MYO19: variants seen among roughly 807,000 people sequenced by gnomAD.
The protein encoded by MYO19 is myosin XIX.
MYO19 carries 132 observed loss-of-function variants against 129.2 expected under a neutral mutation model. The ratio of observed to expected loss-of-function variants is 1.02; its 90% CI spans 0.89 to 1.18. The LOEUF is 1.18. Among genes scored for constraint, MYO19 ranks in the 50% most tolerant of loss-of-function variants. The pLI, the probability that MYO19 is intolerant of heterozygous loss-of-function variation, is 0.00. For missense variants in MYO19, 1,210 were observed against 1,216.7 expected, an observed-to-expected ratio of 0.99 and a Z score of 0.08; for synonymous variants, 531 against 477.2, an observed-to-expected ratio of 1.11 and a Z score of -1.47.
intron 11 of MYO19, among the ~76,000 whole-genome samples, chr17:36,512,326 T>G (rs907117898): frequency 6.8e-6 from 1 of 146,748 alleles, no homozygotes. Context: ...GAAGAGGAGG[T>G]TGCAGTGAGC....
rs1226503534 is a variant in MYO19, at chr17:36,510,830, C to T, written c.1073G>A (p.Arg358Lys). The T allele has an allele frequency of 6.3e-7, 1 of 1,582,776 alleles. No homozygotes were observed. Among genetic ancestry groups the T allele is most frequent in the African/African-American group, 1.3e-5 (1 of 74,242 alleles). Reference protein sequence around the residue: ...MVQIRTIRAGRQQQVFRKPCA... With the variant: ...MVQIRTIRAGKQQQVFRKPCA... ...GGGCTTCCGGAACACCTGCTGCTGTCTGCCTGCCCTGATGGTTCTAATCTG... is the reference window on the plus strand; with the variant it reads ...GGGCTTCCGGAACACCTGCTGCTGTTTGCCTGCCCTGATGGTTCTAATCTG... The change falls in exon 13 of 26, where the codon AGA becomes AAA. Residue 358 changes from arginine (R) to lysine (K), a missense_variant. Coordinates refer to ENST00000614623, the MANE Select transcript of MYO19 (RefSeq NM_001163735.2).
At position 36,496,374 on chromosome 17, in the gene MYO19, T is replaced by C. The variant is rs768098476; in HGVS notation, c.2790A>G (p.Pro930=). Residue 930 remains proline, a synonymous_variant, in exon 26 of 26, where the codon CCA becomes CCG. Transcript: ENST00000614623. The stretch of plus-strand genomic sequence containing the variant: ...CAGGGCAGATGTCAGCATACCGCAG[T>C]GGAGACTTTCTGCAGTGAAACTTTA... ...GSIKFHCRKS[P]LRYADICPEP... 1.9e-6 allele frequency: 3 copies of C among 1,613,946 alleles called. No homozygotes were observed. Among genetic ancestry groups the C allele is most frequent in the Non-Finnish European group, 2.5e-6 (3 of 1,179,886 alleles).
intron 20 of MYO19, among the ~76,000 whole-genome samples, chr17:36,503,725 AGT>A (rs1400221050): frequency 1.3e-5 from 2 of 152,362 alleles, no homozygotes; most frequent in East Asian, 3.9e-4. Context: ...ACATTGTACC[AGT>A]GTGGCTTTTG....
chr17:36,506,318 T>C, intron 18 of MYO19, 138 bp downstream of exon 18: 1 of 1,024,380 alleles, frequency 9.8e-7, no homozygotes, highest in Non-Finnish European at 1.5e-6. Context: ...AAGTATAAAC[T>C]CCAGGGGACT....
chr17:36,533,295 A>G (rs2073938561), intron 2 of MYO19: 1 of 152,234 alleles, frequency 6.6e-6, no homozygotes, highest in Admixed American at 6.5e-5. Flanking sequence ...CACTACGACT[A>G]AGGGTTGATG....
At chr17:36,522,027 T>A (rs2411194) in intron 6 of MYO19, among the ~76,000 whole-genome samples, 8 of 46,200 alleles carry the variant, frequency 1.7e-4, no homozygotes, top group South Asian at 5.7e-4. Flanking sequence ...AAGACTGTCT[T>A]TAAAAAAAAA....
intron 3 of MYO19, among the ~76,000 whole-genome samples, chr17:36,528,821 C>T (rs1280886502): frequency 6.6e-6 from 1 of 152,226 alleles, no homozygotes; most frequent in Non-Finnish European, 1.5e-5. Context: ...CAAATGCTAT[C>T]TCTTCTGCCA....
chr17:36,498,511 T>C lies in MYO19; in HGVS notation c.2512A>G (p.Lys838Glu), dbSNP rs1189580982. 3 of 1,613,944 alleles carry C rather than the reference T, an allele frequency of 1.9e-6. No individual in the cohort carries two copies. In the Admixed American group the frequency reaches 5.0e-5, roughly 27 times the overall value. Residue 838 changes from lysine to glutamate, a missense_variant, in exon 25 of 26, where the codon AAA becomes GAA. Coordinates refer to ENST00000614623, the MANE Select transcript of MYO19 (RefSeq NM_001163735.2). ...GAACAGGGAGCTTGAGAGAAGTGTTTTTCTTCCACACCATCCAGCTCTTTA... is the reference window on the plus strand; with the variant it reads ...GAACAGGGAGCTTGAGAGAAGTGTTCTTCTTCCACACCATCCAGCTCTTTA... The part of the protein sequence containing the change: ...AAKELDGVEE[K>E]HFSQAPCSLS...
chr17:36,513,384 C>T (rs1181062604), intron 11 of MYO19, 45 bp downstream of exon 11: 1 of 1,613,776 alleles, frequency 6.2e-7, no homozygotes, highest in Admixed American at 1.7e-5. Flanking sequence ...CAAAGGGCTG[C>T]CCGTCATCTC....
At position 36,504,001 on chromosome 17, in the gene MYO19, G is replaced by A; in HGVS notation, c.1925C>T (p.Ala642Val). The change falls in exon 20 of 26, where the codon GCC (alanine) becomes GTC (valine). Residue 642 changes from alanine to valine, a missense_variant. By Grantham distance (64) the Ala-to-Val change is moderately conservative. Transcript: ENST00000614623. ...LQEEVLSQLE[A>V]CGLVETIHIS... ...ATGGATGGTCTCCACGAGGCCACAG[G>A]CCTCCAGCTGGCTCAGGACCTGCAA... 6.3e-7 allele frequency: 1 copy of A among 1,580,690 alleles called. No homozygotes were observed.
rs762537907 is a variant in MYO19, at chr17:36,498,521, A to G, written c.2502T>C (p.Gly834=). 1.5e-5 allele frequency: 25 copies of G among 1,613,750 alleles called. No individual in the cohort carries two copies. Among genetic ancestry groups the G allele is most frequent in the Non-Finnish European group, 2.1e-5 (25 of 1,179,770 alleles). Residue 834 remains glycine, a synonymous_variant, in exon 25 of 26, where the codon GGT becomes GGC. Coordinates refer to ENST00000614623, the MANE Select transcript of MYO19 (RefSeq NM_001163735.2). ...CTTGAGAGAAGTGTTTTTCTTCCAC[A>G]CCATCCAGCTCTTTAGCAGCAAGGC... ...MACLAAKELD[G]VEEKHFSQAP...
chr17:36,515,762 CAA>C (rs1413694855), intron 7 of MYO19, 94 bp downstream of exon 7: 2 of 1,398,600 alleles, frequency 1.4e-6, no homozygotes, highest in African/African-American at 2.8e-5. Flanking sequence ...CACCCCCACC[CAA>C]GAGAGGGTCT....
At chr17:36,503,748 C>T (rs1163395922) in intron 20 of MYO19, among the ~76,000 whole-genome samples, 1 of 152,252 alleles carries the variant, frequency 6.6e-6, no homozygotes, top group Non-Finnish European at 1.5e-5. Flanking sequence ...TCACAGCCAT[C>T]AGCTGGGTAC....
At chr17:36,514,229 G>A (rs149639272) in intron 9 of MYO19, among the ~76,000 whole-genome samples, 2 of 152,330 alleles carry the variant, frequency 1.3e-5, no homozygotes, top group African/African-American at 2.4e-5. Context: ...GTCTGATGGA[G>A]GAGGTAAAAC....
chr17:36,540,457 G>A (rs907731846), intron 2 of MYO19, among the ~76,000 whole-genome samples: 7 of 148,100 alleles, frequency 4.7e-5, no homozygotes, highest in South Asian at 2.2e-4. Context: ...TACAACCTCC[G>A]CCTCCCAGAT....
At chr17:36,517,702 G>A (rs1376899299) in intron 6 of MYO19, among the ~76,000 whole-genome samples, 2 of 152,134 alleles carry the variant, frequency 1.3e-5, no homozygotes, top group Admixed American at 6.5e-5. Flanking sequence ...GCCACAGACT[G>A]AATTGTGTTC....
Position 36,514,534 on chromosome 17 carries a change from G to A in MYO19, c.632C>T (p.Thr211Ile). The A allele has an allele frequency of 1.9e-6, 3 of 1,611,234 alleles. No individual in the cohort carries two copies. The highest frequency in any genetic ancestry group is 2.5e-6 in the Non-Finnish European group (3 of 1,177,392). Reference sequence around the variant, plus strand: ...GAGGTAGGTCTGGACTGCGGCTCCAGTCATTTGCTGAGCCCTGGGACACAC... The same window carrying A: ...GAGGTAGGTCTGGACTGCGGCTCCAATCATTTGCTGAGCCCTGGGACACAC... ...QLQLNRAQQM[T>I]GAAVQTYLLE... Residue 211 changes from threonine to isoleucine, a missense_variant, in exon 9 of 26, where the codon ACT (threonine) becomes ATT (isoleucine). By Grantham distance (89) the Thr-to-Ile change is moderately conservative. Transcript: ENST00000614623.
At chr17:36,525,167 CCT>C in intron 6 of MYO19, 59 bp downstream of exon 6, 1 of 1,259,858 alleles carries the variant, frequency 7.9e-7, no homozygotes, top group Admixed American at 1.7e-5. Context: ...AGGAATGACC[CCT>C]GCCTCCCTGT....
chr17:36,515,771 G>T, intron 7 of MYO19, 87 bp downstream of exon 7: 1 of 1,459,724 alleles, frequency 6.9e-7, no homozygotes, highest in South Asian at 1.3e-5. Flanking sequence ...CCAAGAGAGG[G>T]TCTCAAAGCA....
Sources: allele counts gnomAD v4.1 joint callset (sites outside exome capture counted in the v4.1 genomes callset), GRCh38; gene constraint gnomAD v4.1.1; transcripts MANE v1.5; gene names NCBI Gene and HGNC (gene_info 2026-07-23, HGNC 2026-07-21).